GLI3: variants seen among roughly 807,000 people sequenced by gnomAD.
GLI3 encodes the protein transcription activator GLI3.
Under a neutral mutation model 100.8 loss-of-function variants are expected in GLI3, and 20 were observed. The observed-to-expected ratio is 0.20, with a 90% CI of 0.14 to 0.29. The LOEUF (loss-of-function observed/expected upper bound fraction) is 0.29. Ranked by LOEUF, GLI3 falls within the 10% of genes least tolerant of loss-of-function variation. The pLI, the probability that GLI3 is intolerant of heterozygous loss-of-function variation, is 1.00. For synonymous variants in GLI3, 938 were observed against 860.5 expected, an observed-to-expected ratio of 1.09 and a Z score of -1.58; for missense variants, 2,040 against 2,128.5, an observed-to-expected ratio of 0.96 and a Z score of 0.82.
chr7:42,016,920 T>A (rs1375506284), intron 10 of GLI3, among the ~76,000 whole-genome samples: 4 of 152,210 alleles, frequency 2.6e-5, no homozygotes, highest in African/African-American at 7.2e-5. Flanking sequence ...TATGCTTTTA[T>A]GTTTCCTTAT....
At chr7:42,065,839 G>A (rs1371653180) in intron 4 of GLI3, among the ~76,000 whole-genome samples, 1 of 152,112 alleles carries the variant, frequency 6.6e-6, no homozygotes, top group Non-Finnish European at 1.5e-5. Flanking sequence ...AAAACCAAAT[G>A]ACTTAGTAGC....
intron 3 of GLI3, among the ~76,000 whole-genome samples, chr7:42,082,624 A>G (rs993083198): frequency 6.6e-6 from 1 of 152,168 alleles, no homozygotes; most frequent in African/African-American, 2.4e-5. Context: ...TGGTCTCACA[A>G]GCATATTATG....
chr7:42,007,763 C>T (rs1469136536), intron 10 of GLI3, among the ~76,000 whole-genome samples: 2 of 152,092 alleles, frequency 1.3e-5, no homozygotes, highest in Non-Finnish European at 2.9e-5. Flanking sequence ...AGAGGTGGCT[C>T]TGGTATACAA....
intron 2 of GLI3, among the ~76,000 whole-genome samples, chr7:42,148,939 C>A (rs3801204): frequency 0.18 from 27,929 of 152,102 alleles, 2,583 homozygotes; most frequent in South Asian, 0.23. Flanking sequence ...TCTGGTTGCT[C>A]CAGGGGATGT....
At chr7:42,167,038 G>A (rs945075804) in intron 2 of GLI3, among the ~76,000 whole-genome samples, 2 of 152,066 alleles carry the variant, frequency 1.3e-5, no homozygotes, top group Non-Finnish European at 2.9e-5. Context: ...TGTTGGCCAG[G>A]CTGGTCTCGA....
At chr7:42,238,037 C>T (rs1176363986), upstream of GLI3, among the ~76,000 whole-genome samples, 5 of 148,118 alleles carry the variant, frequency 3.4e-5, no homozygotes, top group African/African-American at 9.8e-5. Flanking sequence ...TCCTCCTCCT[C>T]CTCCTCCTCC....
chr7:42,227,868 A>T (rs892739211), intron 1 of GLI3: 15 of 152,260 alleles, frequency 9.9e-5, no homozygotes, highest in Admixed American at 5.9e-4. Flanking sequence ...AACTTTCACC[A>T]TTACAAAGGC....
intron 12 of GLI3, among the ~76,000 whole-genome samples, chr7:41,973,718 T>C (rs535516237): frequency 2.0e-5 from 3 of 152,226 alleles, no homozygotes; most frequent in African/African-American, 7.2e-5. Context: ...TCTTGTAGAA[T>C]GTATGTCTAA....
intron 3 of GLI3, among the ~76,000 whole-genome samples, chr7:42,086,427 C>T (rs907187870): frequency 1.3e-5 from 2 of 152,160 alleles, no homozygotes; most frequent in Non-Finnish European, 2.9e-5. Flanking sequence ...CCCACACCAG[C>T]ATCCCTAAAA....
chr7:42,116,780 C>G (rs908643205), intron 3 of GLI3, among the ~76,000 whole-genome samples: 2 of 152,148 alleles, frequency 1.3e-5, no homozygotes, highest in Non-Finnish European at 2.9e-5. Flanking sequence ...TAAACACAGA[C>G]AGCTAAAGCT....
chr7:42,142,557 C>T (rs941869497), intron 3 of GLI3, among the ~76,000 whole-genome samples: 3 of 152,026 alleles, frequency 2.0e-5, no homozygotes, highest in Non-Finnish European at 4.4e-5. Flanking sequence ...CTGTTGGTTC[C>T]CAGTTTCATT....
intron 3 of GLI3, among the ~76,000 whole-genome samples, chr7:42,104,739 T>C (rs1785537760): frequency 6.6e-6 from 1 of 152,156 alleles, no homozygotes; most frequent in South Asian, 2.1e-4. Context: ...GTATGGCAAC[T>C]GGGAGGTGTT....
chr7:42,112,002 A>C (rs1785720300), intron 3 of GLI3, among the ~76,000 whole-genome samples: 3 of 152,170 alleles, frequency 2.0e-5, no homozygotes, highest in Admixed American at 1.3e-4. Flanking sequence ...AATAATAGAA[A>C]ATGGAACCAG....
At chr7:42,229,007 C>T (rs571893407) in intron 1 of GLI3, among the ~76,000 whole-genome samples, 2 of 152,298 alleles carry the variant, frequency 1.3e-5, no homozygotes, top group East Asian at 3.9e-4. Context: ...CTCTAACCCC[C>T]ATGGGAGCAG....
At chr7:42,237,380 G>A (rs1430433824), upstream of GLI3, among the ~76,000 whole-genome samples, 1 of 152,130 alleles carries the variant, frequency 6.6e-6, no homozygotes, top group East Asian at 1.9e-4. Context: ...GAAACCCCCA[G>A]CCGTACGCCT....
intron 2 of GLI3, among the ~76,000 whole-genome samples, chr7:42,217,080 T>C (rs1299430323): frequency 6.6e-6 from 1 of 152,066 alleles, no homozygotes; most frequent in Non-Finnish European, 1.5e-5. Flanking sequence ...AGAGTGGAGA[T>C]GAAAGGCAAG....
intron 2 of GLI3, among the ~76,000 whole-genome samples, chr7:42,206,197 G>A (rs1236476582): frequency 6.6e-6 from 1 of 152,010 alleles, no homozygotes; most frequent in African/African-American, 2.4e-5. Context: ...GAATCTGGGA[G>A]GTGGAGGTTG....
intron 13 of GLI3, among the ~76,000 whole-genome samples, chr7:41,969,036 A>G (rs562631694): frequency 1.3e-5 from 2 of 152,332 alleles, no homozygotes; most frequent in African/African-American, 4.8e-5. Flanking sequence ...AGGGTGCCCA[A>G]TATCTGGGGA....
chr7:42,167,609 A>C (rs1440103023), intron 2 of GLI3, among the ~76,000 whole-genome samples: 1 of 152,198 alleles, frequency 6.6e-6, no homozygotes, highest in Non-Finnish European at 1.5e-5. Flanking sequence ...ATACAGAGAA[A>C]GAGAGAGAGA....
Sources: gnomAD v4.1 joint callset for allele counts (sites outside exome capture counted in the v4.1 genomes callset) on GRCh38, gnomAD v4.1.1 for gene constraint, MANE v1.5 for transcripts, NCBI Gene and HGNC (gene_info 2026-07-23, HGNC 2026-07-21) for gene names.